NUP98: variants seen among roughly 807,000 people sequenced by gnomAD.
The protein encoded by NUP98 is nuclear pore complex protein Nup98-Nup96.
A neutral mutation model predicts 191.9 loss-of-function variants in NUP98; 26 were observed. The ratio of observed to expected loss-of-function variants is 0.14; its 90% CI spans 0.10 to 0.19. The LOEUF (loss-of-function observed/expected upper bound fraction) is 0.19, where lower values mean the gene tolerates loss of function less well. NUP98 is among the 10% of genes least tolerant of loss of function. The pLI is 1.00. For synonymous variants in NUP98, 808 were observed against 778.4 expected (o/e 1.04, Z -0.63); for missense variants, 1,941 against 2,178.8 (o/e 0.89, Z 2.17).
chr11:3,698,725 C>CAAAA lies in NUP98; in HGVS notation c.4009+353_4009+356dup, dbSNP rs549214359. On this transcript the variant is annotated intron_variant, in intron 25 of 32. Coordinates refer to ENST00000324932, the MANE Select transcript of NUP98 (RefSeq NM_016320.5). The stretch of plus-strand genomic sequence containing the variant: ...CTGGGCAACAAGAGTGAAACTGTCT[C>CAAAA]AAAAAAAAAAAAAAAAAAAAAAAAA... Among the ~76,000 whole-genome samples, 13 of 35,760 alleles carry CAAAA rather than the reference C, an allele frequency of 3.6e-4. 2 individuals are homozygous for CAAAA. Among genetic ancestry groups the CAAAA allele is most frequent in the African/African-American group, 8.4e-4 (7 of 8,316 alleles). 23.5% of individuals were successfully genotyped at this position (35,760 alleles called of 152,430 possible).
chr11:3,679,495 T>A (rs2077922773), intron 31 of NUP98, 59 bp downstream of exon 31: 1 of 1,593,180 alleles, frequency 6.3e-7, no homozygotes, highest in South Asian at 1.1e-5. Flanking sequence ...GTGAGGTATC[T>A]GAAGATTTAA....
intron 13 of NUP98, among the ~76,000 whole-genome samples, chr11:3,733,081 C>A (rs888334079): frequency 6.6e-6 from 1 of 152,198 alleles, no homozygotes; most frequent in Admixed American, 6.5e-5. Flanking sequence ...ACCGTTTTAA[C>A]GCATCTACTT....
intron 12 of NUP98, among the ~76,000 whole-genome samples, chr11:3,741,688 G>A (rs2134355603): frequency 6.6e-6 from 1 of 152,178 alleles, no homozygotes; most frequent in South Asian, 2.1e-4. Context: ...AGAAACACAG[G>A]TCAAAGACAC....
chr11:3,783,858 T>G (rs564483069), intron 1 of NUP98, among the ~76,000 whole-genome samples: 1 of 151,910 alleles, frequency 6.6e-6, no homozygotes, highest in African/African-American at 2.4e-5. Context: ...AATAGCTTCA[T>G]AGTGAAACAC....
At chr11:3,744,690 C>A (rs138095442) in intron 11 of NUP98, 41 bp from the exon 12 acceptor site, 2 of 1,575,212 alleles carry the variant, frequency 1.3e-6, no homozygotes, top group African/African-American at 1.4e-5. Context: ...CACAGAAGAT[C>A]CTTTCAATGT....
chr11:3,753,976 T>A (rs2080865943), intron 10 of NUP98, among the ~76,000 whole-genome samples: 1 of 151,220 alleles, frequency 6.6e-6, no homozygotes, highest in South Asian at 2.1e-4. Flanking sequence ...TAAAATAAAA[T>A]AAAGAAATAT....
intron 12 of NUP98, 59 bp downstream of exon 12, chr11:3,744,450 C>G: frequency 2.0e-6 from 3 of 1,532,006 alleles, no homozygotes; most frequent in Non-Finnish European, 2.6e-6. Flanking sequence ...GATGGAAAAT[C>G]AGGTCAGCAA....
chr11:3,706,073 G>C (rs566994982), intron 21 of NUP98, among the ~76,000 whole-genome samples: 2 of 151,924 alleles, frequency 1.3e-5, no homozygotes, highest in South Asian at 4.2e-4. Context: ...GGAGGTTGGG[G>C]CAGGGGAATC....
In NUP98 at chr11:3,683,320, G is replaced by A. The variant is rs767130650; in HGVS notation, c.4798C>T (p.His1600Tyr). 6.9e-5 allele frequency: 111 copies of A among 1,614,150 alleles called. No homozygotes were observed. The Middle Eastern group carries it at 1.5e-3, about 22-fold the overall frequency. The change falls in exon 30 of 33, where the codon CAC becomes TAC. Residue 1600 changes from histidine to tyrosine, a missense_variant. Around this residue, in one of 6 missense-constraint regions of NUP98, gnomAD observed 1,030 missense variants for 1,115.8 expected, o/e 0.92. Coordinates refer to ENST00000324932, the MANE Select transcript of NUP98 (RefSeq NM_016320.5). ...QKLRVPAKWI[H>Y]EAKAVRAHME... ...TGTGCTCGCACAGCTTTGGCCTCGT[G>A]GATCCATTTGGCAGGTACACGGAGC...
At position 3,692,806 on chromosome 11, in the gene NUP98, T is replaced by C. The variant is rs192466488; in HGVS notation, c.4311+426A>G. 3.3e-5 allele frequency among the ~76,000 whole-genome samples: 5 copies of C among 152,306 alleles called. No homozygotes were observed. The East Asian group carries it at 7.7e-4, about 23-fold the overall frequency. On this transcript the variant is annotated intron_variant, in intron 27 of 32. Transcript: ENST00000324932. Reference sequence around the variant, plus strand: ...GACAAATAATTCTGAGAGAACAATATGAAAGACAAGTATAAAATATGAACA... The same window carrying C: ...GACAAATAATTCTGAGAGAACAATACGAAAGACAAGTATAAAATATGAACA...
chr11:3,741,880 C>A (rs1265775342), intron 12 of NUP98, among the ~76,000 whole-genome samples: 1 of 152,212 alleles, frequency 6.6e-6, no homozygotes, highest in African/African-American at 2.4e-5. Context: ...TATTTTCACA[C>A]AAGTCCCTAA....
At chr11:3,687,178 C>G (rs2078157517) in intron 28 of NUP98, among the ~76,000 whole-genome samples, 1 of 152,126 alleles carries the variant, frequency 6.6e-6, no homozygotes, top group Non-Finnish European at 1.5e-5. Context: ...AAGTGATCGT[C>G]CCACTTCAGC....
chr11:3,720,768 T>A lies in NUP98; in HGVS notation c.2204A>T (p.Lys735Ile). Residue 735 changes from lysine (K) to isoleucine (I), a missense_variant, in exon 17 of 33, where the codon AAA becomes ATA. Lys to Ile is a moderately radical substitution (Grantham distance 102). Around this residue, in one of 6 missense-constraint regions of NUP98, gnomAD observed 453 missense variants for 438.2 expected, o/e 1.03. Coordinates refer to ENST00000324932, the MANE Select transcript of NUP98 (RefSeq NM_016320.5). ...GCACTCTCCTTTTTCATTGGTAATTTTAGCAAGGTCATCCATAGATGGAAT... is the reference window on the plus strand; with the variant it reads ...GCACTCTCCTTTTTCATTGGTAATTATAGCAAGGTCATCCATAGATGGAAT... Reference protein sequence around the residue: ...YTIPSMDDLAKITNEKGECIV... With the variant: ...YTIPSMDDLAIITNEKGECIV... 2 of 1,601,040 alleles carry A rather than the reference T, an allele frequency of 1.2e-6. No homozygotes were observed. Among genetic ancestry groups the A allele is most frequent in the Non-Finnish European group, 1.7e-6 (2 of 1,171,642 alleles).
At chr11:3,717,056 T>C (rs1589796181) in intron 18 of NUP98, among the ~76,000 whole-genome samples, 1 of 152,074 alleles carries the variant, frequency 6.6e-6, no homozygotes, top group Non-Finnish European at 1.5e-5. Flanking sequence ...CAGGCTGGAG[T>C]GCAGTGGTGT....
intron 3 of NUP98, 48 bp from the exon 4 acceptor site, chr11:3,779,097 T>C (rs1333430369): frequency 1.2e-6 from 2 of 1,612,842 alleles, no homozygotes; most frequent in Non-Finnish European, 1.7e-6. Flanking sequence ...TCAGAGCCAC[T>C]AAGTCAATTC....
chr11:3,737,779 A>T (rs960228741), intron 12 of NUP98, among the ~76,000 whole-genome samples: 2 of 152,230 alleles, frequency 1.3e-5, no homozygotes, highest in Non-Finnish European at 2.9e-5. Flanking sequence ...AAGTTTGCTC[A>T]GGATCTCAAA....
In NUP98 at chr11:3,768,486, G is replaced by A. The variant is rs1259114541; in HGVS notation, c.948+95C>T. On this transcript the variant is annotated intron_variant, in intron 8 of 32. Transcript: ENST00000324932. ...ATACCCTCAACTCTTAAGATTTGCA[G>A]TACAGGTAGAATTTGCTAGTTTGAC... 15 of 1,121,370 alleles carry A rather than the reference G, an allele frequency of 1.3e-5. No homozygotes were observed. The East Asian group carries it at 3.7e-4, about 28-fold the overall frequency. 69.5% of individuals were successfully genotyped at this position (1,121,370 alleles called of 1,614,324 possible). A position where few individuals can be genotyped will look rare whatever the true frequency, so the allele number is the denominator to read the frequency against.
intron 13 of NUP98, among the ~76,000 whole-genome samples, chr11:3,734,646 T>C (rs1055355075): frequency 2.0e-5 from 3 of 152,212 alleles, no homozygotes; most frequent in Non-Finnish European, 4.4e-5. Context: ...GTTTTTACAC[T>C]AGAGTTATAA....
chr11:3,777,830 T>C (rs1001599919), intron 4 of NUP98, among the ~76,000 whole-genome samples: 7 of 152,074 alleles, frequency 4.6e-5, no homozygotes, highest in Non-Finnish European at 8.8e-5. Flanking sequence ...TCTTTTGAAT[T>C]AGTACTTCAG....
Sources: allele counts gnomAD v4.1 joint callset (sites outside exome capture counted in the v4.1 genomes callset), GRCh38; gene constraint gnomAD v4.1.1; regional missense constraint gnomAD v4.1.1; transcripts MANE v1.5; gene names NCBI Gene and HGNC (gene_info 2026-07-23, HGNC 2026-07-21).